The following BCAS2 variants were observed in gnomAD, a reference collection of about 807,000 sequenced individuals.
BCAS2 encodes BCAS2 pre-mRNA processing factor.
A neutral mutation model predicts 35.3 loss-of-function variants in BCAS2; 34 were observed. That is an observed-to-expected ratio of 0.96 (90% CI 0.73 to 1.28). The LOEUF (loss-of-function observed/expected upper bound fraction) is 1.28, where lower values mean the gene tolerates loss of function less well. Among genes scored for constraint, BCAS2 ranks in the 50% most tolerant of loss-of-function variants. BCAS2 has a pLI of 0.00. For missense variants in BCAS2, 221 were observed against 268.1 expected, an observed-to-expected ratio of 0.82 and a Z score of 1.23; for synonymous variants, 75 against 91.6, an observed-to-expected ratio of 0.82 and a Z score of 1.03.
intron 3 of BCAS2, among the ~76,000 whole-genome samples, chr1:114,576,343 C>G (rs951183245): frequency 1.3e-5 from 2 of 151,262 alleles, no homozygotes; most frequent in Admixed American, 1.3e-4. Context: ...GCTGCAACCT[C>G]CATCTCCTGG....
At chr1:114,570,143 C>A in intron 5 of BCAS2, 71 bp from the exon 6 acceptor site, 2 of 1,051,856 alleles carry the variant, frequency 1.9e-6, no homozygotes. Context: ...AACTCTATAA[C>A]ACAAGAGAAT....
intron 3 of BCAS2, among the ~76,000 whole-genome samples, chr1:114,576,170 T>C (rs1654757525): frequency 1.3e-5 from 2 of 151,628 alleles, no homozygotes; most frequent in South Asian, 2.1e-4. Flanking sequence ...TGAGAAGCGA[T>C]ATGACTCCTT....
At chr1:114,576,440 A>G (rs1333323247) in intron 3 of BCAS2, among the ~76,000 whole-genome samples, 3 of 149,560 alleles carry the variant, frequency 2.0e-5, no homozygotes, top group Admixed American at 1.3e-4. Flanking sequence ...GTTTATTATT[A>G]TTATTATTAT....
intron 6 of BCAS2, among the ~76,000 whole-genome samples, chr1:114,568,779 T>C (rs6669705): frequency 0.019 from 2,626 of 140,954 alleles, 46 homozygotes; most frequent in African/African-American, 0.04. Flanking sequence ...TTTTTTTTTT[T>C]CCAGAGACAG....
chr1:114,571,547 C>T (rs547672582), intron 4 of BCAS2, among the ~76,000 whole-genome samples: 1 of 152,022 alleles, frequency 6.6e-6, no homozygotes, highest in East Asian at 1.9e-4. Context: ...TTTGTAGAGA[C>T]AGGGTTTCAC....
At chr1:114,576,892 TA>T in intron 2 of BCAS2, 134 bp from the exon 3 acceptor site, 1 of 620,624 alleles carries the variant, frequency 1.6e-6, no homozygotes. Flanking sequence ...TTCTCTGAGT[TA>T]AATGCTCTCT....
chr1:114,576,797 T>C lies in BCAS2; in HGVS notation c.187-39A>G, dbSNP rs946308648. ...CAGAAAAAAGATTTCTAAGATCATG[T>C]TGACAACTAAAAATTAACAATCACC... On this transcript the variant is annotated intron_variant, in intron 2 of 6. Coordinates refer to ENST00000369541, the MANE Select transcript of BCAS2 (RefSeq NM_005872.3). The C allele has an allele frequency of 2.7e-6, 4 of 1,483,086 alleles. No homozygotes were observed. In the African/African-American group the frequency reaches 4.1e-5, roughly 15 times the overall value. 91.9% of individuals were successfully genotyped at this position (1,483,086 alleles called of 1,614,324 possible). A position where few individuals can be genotyped will look rare whatever the true frequency, so the allele number is the denominator to read the frequency against.
chr1:114,571,551 G>T (rs1654644182), intron 4 of BCAS2, among the ~76,000 whole-genome samples: 1 of 151,972 alleles, frequency 6.6e-6, no homozygotes, highest in Non-Finnish European at 1.5e-5. Flanking sequence ...TAGAGACAGG[G>T]TTTCACCACG....
At chr1:114,575,436 C>G (rs1283688602) in intron 4 of BCAS2, among the ~76,000 whole-genome samples, 154 bp downstream of exon 4, 1 of 151,762 alleles carries the variant, frequency 6.6e-6, no homozygotes, top group Non-Finnish European at 1.5e-5. Flanking sequence ...CTCAAGCAAT[C>G]CACCCACCTC....
Position 114,569,998 on chromosome 1 carries a change from T to A in BCAS2, c.545A>T (p.Glu182Val). The stretch of plus-strand genomic sequence containing the variant: ...TGGAATTATAGATACTCACTTTGAC[T>A]CCATTTCTCTCAATTTAGATCCAGC... Reference protein sequence around the residue: ...LTAGSKLREMESNWVSLVSKN... With the variant: ...LTAGSKLREMVSNWVSLVSKN... Residue 182 changes from glutamate (E) to valine (V), a missense_variant, in exon 6 of 7, where the codon GAG becomes GTG. By Grantham distance (121) the Glu-to-Val change is moderately radical. Transcript: ENST00000369541. 1 of 1,604,338 alleles carries A rather than the reference T, an allele frequency of 6.2e-7. No homozygotes were observed. Among genetic ancestry groups the A allele is most frequent in the Non-Finnish European group, 8.5e-7 (1 of 1,171,378 alleles).
At chr1:114,568,350 C>A in intron 6 of BCAS2, 94 bp from the exon 7 acceptor site, 5 of 1,299,066 alleles carry the variant, frequency 3.8e-6, no homozygotes, top group Non-Finnish European at 5.2e-6. Flanking sequence ...TCACCCAGAG[C>A]TATAACACTA....
At chr1:114,569,951 G>T in intron 6 of BCAS2, 41 bp downstream of exon 6, 1 of 1,474,758 alleles carries the variant, frequency 6.8e-7, no homozygotes, top group East Asian at 2.3e-5. Context: ...CCTTAGAAAG[G>T]GCTAAACAAT....
intron 6 of BCAS2, among the ~76,000 whole-genome samples, chr1:114,569,614 T>C (rs1054927580): frequency 6.6e-6 from 1 of 151,898 alleles, no homozygotes; most frequent in Middle Eastern, 3.4e-3. Flanking sequence ...GCAATCCTCC[T>C]GCCTCAGCCT....
rs1480216889 is a variant in BCAS2 at position 114,568,084 on chromosome 1, C to T, written c.*46G>A. On this transcript the variant is annotated 3_prime_UTR_variant, in exon 7 of 7. Coordinates refer to ENST00000369541, the MANE Select transcript of BCAS2 (RefSeq NM_005872.3). ...TCAAAGTTCATTAAAAGTTCAGATG[C>T]CTTTTGTGAAAGCCCAACTTTTCTT... is the stretch of plus-strand genomic sequence containing the variant. The T allele has an allele frequency of 2.1e-5, 33 of 1,608,890 alleles. No individual in the cohort carries two copies. Among genetic ancestry groups the T allele is most frequent in the Non-Finnish European group, 2.6e-5 (31 of 1,178,002 alleles).
chr1:114,575,186 CTTTTTTTTT>C (rs71090790), intron 4 of BCAS2, among the ~76,000 whole-genome samples: 5 of 79,322 alleles, frequency 6.3e-5, no homozygotes, highest in African/African-American at 1.0e-4. Flanking sequence ...TTTTTCTTTT[CTTTTTTTTT>C]TTTTTTTTTT....
chr1:114,580,162 G>C (rs1432889493), intron 2 of BCAS2, among the ~76,000 whole-genome samples: 1 of 151,982 alleles, frequency 6.6e-6, no homozygotes, highest in African/African-American at 2.4e-5. Flanking sequence ...GGTCTCAAGT[G>C]ATCCTCACAC....
At position 114,581,594 on chromosome 1, in the gene BCAS2, T is replaced by C. The variant is rs749271519; in HGVS notation, c.-3A>G. 7.2e-5 allele frequency: 116 copies of C among 1,613,128 alleles called. No individual in the cohort carries two copies. The highest frequency in any genetic ancestry group is 3.5e-4 in the Admixed American group (21 of 60,004). ...GCCACCAAACCTGTGCCCGCCATTC[T>C]GAGGACCTCAGGTTTGCCTGCGTTT... On this transcript the variant is annotated 5_prime_UTR_variant, in exon 1 of 7. Coordinates refer to ENST00000369541, the MANE Select transcript of BCAS2 (RefSeq NM_005872.3).
At position 114,570,726 on chromosome 1, in the gene BCAS2, G is replaced by A. The variant is rs753725924; in HGVS notation, c.444C>T (p.His148=). The A allele has an allele frequency of 6.8e-5, 109 of 1,592,094 alleles. No homozygotes were observed. In the Middle Eastern group the frequency reaches 1.4e-3, roughly 20 times the overall value. Residue 148 remains histidine (H), a synonymous_variant, in exon 5 of 7, where the codon CAC becomes CAT. Transcript: ENST00000369541. ...TTAACTTCTGAAGTTCCTTCTGTGCGTGTTCAATCATATGAACTAGATTTC... is the reference window on the plus strand; with the variant it reads ...TTAACTTCTGAAGTTCCTTCTGTGCATGTTCAATCATATGAACTAGATTTC... The part of the protein sequence containing the change: ...YNENLVHMIE[H]AQKELQKLRK...
intron 6 of BCAS2, among the ~76,000 whole-genome samples, chr1:114,569,480 A>C (rs1167587485): frequency 3.3e-5 from 5 of 151,996 alleles, no homozygotes. Flanking sequence ...CTCCCTCCCT[A>C]CAAGATTTTA....
Sources: allele counts gnomAD v4.1 joint callset (sites outside exome capture counted in the v4.1 genomes callset), GRCh38; gene constraint gnomAD v4.1.1; transcripts MANE v1.5; gene names NCBI Gene and HGNC (gene_info 2026-07-23, HGNC 2026-07-21).